NRXN3: variants seen among roughly 807,000 people sequenced by gnomAD.
NRXN3 encodes the protein neurexin 3.
In NRXN3, 32 loss-of-function variants were observed where a neutral mutation model predicts 137.6. That is an observed-to-expected ratio of 0.23 (90% CI 0.18 to 0.31). The LOEUF (loss-of-function observed/expected upper bound fraction) is 0.31, where lower values mean the gene tolerates loss of function less well. Among genes scored for constraint, NRXN3 ranks in the 10% least tolerant of loss-of-function variants. The pLI, the probability that NRXN3 is intolerant of heterozygous loss-of-function variation, is 1.00. For missense variants in NRXN3, 1,574 were observed against 2,062.5 expected (o/e 0.76, Z 4.59); for synonymous variants, 798 against 784.5 (o/e 1.02, Z -0.29).
chr14:79,054,077 G>A (rs965527331), intron 15 of NRXN3, among the ~76,000 whole-genome samples: 5 of 147,196 alleles, frequency 3.4e-5, no homozygotes, highest in Admixed American at 2.1e-4. Flanking sequence ...ACCAAACACC[G>A]CATGTTCTCA....
chr14:78,474,001 G>A (rs2095332757), intron 4 of NRXN3, among the ~76,000 whole-genome samples: 1 of 152,162 alleles, frequency 6.6e-6, no homozygotes. Flanking sequence ...ACACAGGTTA[G>A]CTCTCAACAT....
At chr14:79,544,696 A>G (rs903849020) in intron 16 of NRXN3, among the ~76,000 whole-genome samples, 1 of 152,220 alleles carries the variant, frequency 6.6e-6, no homozygotes, top group African/African-American at 2.4e-5. Flanking sequence ...AGGAGCGAAG[A>G]GCCTAGATCA....
At chr14:78,449,811 C>G (rs1033785033) in intron 4 of NRXN3, among the ~76,000 whole-genome samples, 11 of 152,154 alleles carry the variant, frequency 7.2e-5, no homozygotes, top group African/African-American at 2.7e-4. Flanking sequence ...AAATAAGGCT[C>G]AAAAGGAAGA....
chr14:79,201,438 G>A (rs1201897918), intron 15 of NRXN3: 2 of 152,122 alleles, frequency 1.3e-5, no homozygotes, highest in Non-Finnish European at 2.9e-5. Context: ...AAGGCCTTTT[G>A]GGCCAGGCTG....
At chr14:79,386,278 G>A (rs145482157) in intron 15 of NRXN3, among the ~76,000 whole-genome samples, 50 of 152,182 alleles carry the variant, frequency 3.3e-4, no homozygotes, top group African/African-American at 9.9e-4. Context: ...AAATCAATGT[G>A]CAAAAATCAC....
intron 2 of NRXN3, among the ~76,000 whole-genome samples, chr14:78,268,417 C>T: frequency 6.6e-6 from 1 of 152,282 alleles, no homozygotes; most frequent in East Asian, 1.9e-4. Flanking sequence ...AGATCCCACG[C>T]AGCATTGGAC....
chr14:78,215,254 A>T lies in NRXN3; in HGVS notation c.-703-27137A>T, dbSNP rs560729268. On this transcript the variant is annotated intron_variant, in intron 1 of 20. Transcript: ENST00000335750. The stretch of plus-strand genomic sequence containing the variant: ...GAGATCTTTTTATGTATTTCTAAAA[A>T]GGAGCTAAAACGTTTTTGGAGCATC... Among the ~76,000 whole-genome samples, 165 of 152,258 alleles carry T rather than the reference A, an allele frequency of 1.1e-3. 1 individual carries two copies. The highest frequency in any genetic ancestry group is 9.8e-3 in the South Asian group (47 of 4,820).
At chr14:79,190,138 TCAA>T (rs2064091658) in intron 15 of NRXN3, among the ~76,000 whole-genome samples, 1 of 152,104 alleles carries the variant, frequency 6.6e-6, no homozygotes, top group African/African-American at 2.4e-5. Flanking sequence ...AGATATTGCA[TCAA>T]AAAAGAAGGG....
At chr14:78,173,124 T>C (rs1162443223) in intron 1 of NRXN3, among the ~76,000 whole-genome samples, 1 of 151,664 alleles carries the variant, frequency 6.6e-6, no homozygotes, top group African/African-American at 2.4e-5. Flanking sequence ...GATGAGAGAA[T>C]GGTGGGAGAA....
intron 10 of NRXN3, among the ~76,000 whole-genome samples, chr14:78,842,417 G>C (rs1466586039): frequency 1.3e-5 from 2 of 152,064 alleles, no homozygotes; most frequent in African/African-American, 4.8e-5. Context: ...CAAAAGGGGA[G>C]GGAGTGTACG....
intron 15 of NRXN3, among the ~76,000 whole-genome samples, chr14:79,380,850 T>C (rs532075527): frequency 6.6e-6 from 1 of 152,214 alleles, no homozygotes; most frequent in South Asian, 2.1e-4. Flanking sequence ...TCCTCAGGGA[T>C]CTAGAACTAG....
intron 19 of NRXN3, among the ~76,000 whole-genome samples, chr14:79,799,474 G>A (rs951691800): frequency 6.6e-6 from 1 of 152,182 alleles, no homozygotes; most frequent in African/African-American, 2.4e-5. Flanking sequence ...AGAAAGGAGA[G>A]AAGTCTGATA....
At chr14:79,695,990 C>T (rs1253206975) in intron 18 of NRXN3, among the ~76,000 whole-genome samples, 1 of 151,878 alleles carries the variant, frequency 6.6e-6, no homozygotes, top group Non-Finnish European at 1.5e-5. Context: ...TGAAAGCTTC[C>T]AAAGGGCTAT....
At chr14:78,225,658 T>C (rs1430804911) in intron 1 of NRXN3, among the ~76,000 whole-genome samples, 1 of 152,132 alleles carries the variant, frequency 6.6e-6, no homozygotes, top group African/African-American at 2.4e-5. Context: ...TAGCCTTACA[T>C]TTTTTTCCCA....
At chr14:79,606,060 T>G (rs1418185344) in intron 16 of NRXN3, among the ~76,000 whole-genome samples, 1 of 152,178 alleles carries the variant, frequency 6.6e-6, no homozygotes, top group African/African-American at 2.4e-5. Flanking sequence ...AATTAGCTAA[T>G]GAGGCTCTCT....
chr14:78,209,453 A>G (rs1307943122), intron 1 of NRXN3, among the ~76,000 whole-genome samples: 1 of 152,224 alleles, frequency 6.6e-6, no homozygotes, highest in East Asian at 1.9e-4. Flanking sequence ...GACATGTCTG[A>G]GAACAGGTAA....
At chr14:79,197,866 G>A (rs2153198704) in intron 15 of NRXN3, among the ~76,000 whole-genome samples, 1 of 152,290 alleles carries the variant, frequency 6.6e-6, no homozygotes, top group South Asian at 2.1e-4. Context: ...TTTCAAAATT[G>A]TAGTCAATCC....
chr14:78,407,031 A>T (rs1464295497), intron 4 of NRXN3, among the ~76,000 whole-genome samples: 1 of 152,172 alleles, frequency 6.6e-6, no homozygotes, highest in African/African-American at 2.4e-5. Flanking sequence ...AGAGGGTCTT[A>T]GGGACTGGGA....
At chr14:78,988,871 C>T (rs1000148109) in intron 15 of NRXN3, among the ~76,000 whole-genome samples, 4 of 151,924 alleles carry the variant, frequency 2.6e-5, no homozygotes, top group African/African-American at 9.7e-5. Flanking sequence ...GGAAGAGAGT[C>T]TTGTGATTGT....
Sources: gnomAD v4.1 joint callset for allele counts (sites outside exome capture counted in the v4.1 genomes callset) on GRCh38, gnomAD v4.1.1 for gene constraint, MANE v1.5 for transcripts, NCBI Gene and HGNC (gene_info 2026-07-23, HGNC 2026-07-21) for gene names.